Variants in SNX4 observed in about 807,000 individuals in gnomAD.
SNX4 encodes sorting nexin-4.
Under a neutral mutation model 70.8 loss-of-function variants are expected in SNX4, and 49 were observed. The ratio of observed to expected loss-of-function variants is 0.69; its 90% CI spans 0.55 to 0.88. The LOEUF is 0.88. Among genes scored for constraint, SNX4 ranks in the 40% least tolerant of loss-of-function variants. The probability of loss-of-function intolerance (pLI) is 0.00; values close to 1 mark genes in which losing one functional copy is unlikely to be tolerated. For missense variants in SNX4, 528 were observed against 544.8 expected (o/e 0.97, Z 0.31); for synonymous variants, 206 against 183.8 (o/e 1.12, Z -0.98).
At chr3:125,460,549 T>C (rs1933852477) in intron 10 of SNX4, among the ~76,000 whole-genome samples, 1 of 152,234 alleles carries the variant, frequency 6.6e-6, no homozygotes, top group African/African-American at 2.4e-5. Flanking sequence ...ACTTGATGCC[T>C]GAGGCTGGCA....
intron 8 of SNX4, among the ~76,000 whole-genome samples, chr3:125,470,177 A>G (rs1934129495): frequency 6.6e-6 from 1 of 152,194 alleles, no homozygotes; most frequent in African/African-American, 2.4e-5. Context: ...AGATAACATA[A>G]TTTGATACAC....
chr3:125,486,150 T>A (rs890708822), intron 6 of SNX4, among the ~76,000 whole-genome samples: 3 of 152,180 alleles, frequency 2.0e-5, no homozygotes, highest in African/African-American at 7.2e-5. Context: ...CTGTAAGCAT[T>A]CTTAATACGA....
intron 6 of SNX4, among the ~76,000 whole-genome samples, chr3:125,482,250 A>AT (rs1336067496): frequency 1.3e-5 from 2 of 152,200 alleles, no homozygotes; most frequent in Non-Finnish European, 2.9e-5. Flanking sequence ...CTATAAAACC[A>AT]ACTGATTTAG....
chr3:125,458,980 C>A (rs868245789), intron 10 of SNX4, among the ~76,000 whole-genome samples: 10 of 151,832 alleles, frequency 6.6e-5, no homozygotes, highest in Non-Finnish European at 8.8e-5. Context: ...TCAAGACCAG[C>A]CTGACCAACA....
chr3:125,447,791 A>G lies in SNX4; in HGVS notation c.1341T>C (p.Phe447=), dbSNP rs377372969. The G allele has an allele frequency of 6.3e-7, 1 of 1,593,496 alleles. No homozygotes were observed. The highest frequency in any genetic ancestry group is 8.5e-7 in the Non-Finnish European group (1 of 1,171,786). Residue 447 remains phenylalanine (F), a synonymous_variant, in exon 14 of 14, where the codon TTT becomes TTC. Coordinates refer to ENST00000251775, the MANE Select transcript of SNX4 (RefSeq NM_003794.4). ...TCAATTCACAGGATTACATCTTGCT[A>G]AAGCATTCCTTAGCATTGGTCCAAA... The part of the protein sequence containing the change: ...IQVWTNAKEC[F]SKM
At chr3:125,469,671 T>C (rs925644725) in intron 8 of SNX4, 152 bp from the exon 9 acceptor site, 2 of 596,218 alleles carry the variant, frequency 3.4e-6, no homozygotes, top group Non-Finnish European at 5.9e-6. Flanking sequence ...AATATGCTGT[T>C]TTCCCCTTAA....
intron 5 of SNX4, among the ~76,000 whole-genome samples, chr3:125,490,902 C>T (rs1353862376): frequency 6.6e-6 from 1 of 151,990 alleles, no homozygotes; most frequent in East Asian, 1.9e-4. Flanking sequence ...TTTTTAAAAT[C>T]CCACCTTGAA....
chr3:125,485,205 C>G lies in SNX4; in HGVS notation c.653+4203G>C, dbSNP rs575994502. Among the ~76,000 whole-genome samples, 24 of 152,236 alleles carry G rather than the reference C, an allele frequency of 1.6e-4. No individual in the cohort carries two copies. The South Asian group carries it at 4.8e-3, about 30-fold the overall frequency. ...AGGCTGCAGTGAGCTGAGATCACAC[C>G]ACTGCACCCCAGCCTGGGTAACAGA... On this transcript the variant is annotated intron_variant, in intron 6 of 13. Transcript: ENST00000251775.
chr3:125,476,798 T>G, intron 7 of SNX4, 42 bp from the exon 8 acceptor site: 1 of 1,190,622 alleles, frequency 8.4e-7, no homozygotes, highest in East Asian at 2.4e-5. Context: ...AGGTCAAAGT[T>G]ATATCCTCAT....
intron 10 of SNX4, among the ~76,000 whole-genome samples, chr3:125,460,378 A>G (rs2107529905): frequency 6.6e-6 from 1 of 152,328 alleles, no homozygotes; most frequent in Admixed American, 6.5e-5. Flanking sequence ...ACAGATAAGA[A>G]AGTCCTTGTT....
intron 8 of SNX4, among the ~76,000 whole-genome samples, chr3:125,474,526 G>A (rs373035471): frequency 6.6e-6 from 1 of 152,028 alleles, no homozygotes; most frequent in African/African-American, 2.4e-5. Context: ...ATGTTGCCAA[G>A]GCTTGTCTTG....
At position 125,520,162 on chromosome 3, in the gene SNX4, G is replaced by T. The variant is rs1017738081; in HGVS notation, c.11C>A (p.Ala4Glu). Residue 4 changes from alanine to glutamate, a missense_variant, in exon 1 of 14, where the codon GCA (alanine) becomes GAA (glutamate). This residue lies in a region of SNX4 where 341 missense variants were observed against 312.2 expected (regional missense o/e 1.09). Transcript: ENST00000251775. ...GAGCTGCCGCTCGGGGTCCGGAGGT[G>T]CCTGCTCCATGGCTGCAGTTCGGCG... MEQ[A>E]PPDPERQLQP... is the part of the protein sequence containing the mutation. 1.4e-6 allele frequency: 2 copies of T among 1,407,570 alleles called. No homozygotes were observed. Among genetic ancestry groups the T allele is most frequent in the Non-Finnish European group, 1.8e-6 (2 of 1,086,704 alleles). 87.2% of individuals were successfully genotyped at this position (1,407,570 alleles called of 1,614,324 possible).
chr3:125,449,537 A>C (rs1436468111), intron 13 of SNX4, among the ~76,000 whole-genome samples: 4 of 152,198 alleles, frequency 2.6e-5, no homozygotes, highest in Non-Finnish European at 2.9e-5. Context: ...CTAGGATCAC[A>C]TATAAAAATC....
chr3:125,481,927 C>T (rs1490195912), intron 6 of SNX4, among the ~76,000 whole-genome samples: 1 of 151,750 alleles, frequency 6.6e-6, no homozygotes, highest in African/African-American at 2.4e-5. Context: ...ACTGTGTCAC[C>T]CAGGTTGGAA....
At chr3:125,513,177 T>G (rs1935204836) in intron 1 of SNX4, among the ~76,000 whole-genome samples, 1 of 152,136 alleles carries the variant, frequency 6.6e-6, no homozygotes, top group African/African-American at 2.4e-5. Flanking sequence ...TAAGTGGGGT[T>G]AGTGCCCTGA....
At position 125,451,917 on chromosome 3, in the gene SNX4, C is replaced by T. The variant is rs941310128; in HGVS notation, c.1191-498G>A. 5.9e-5 allele frequency among the ~76,000 whole-genome samples: 9 copies of T among 152,144 alleles called. 1 individual carries two copies. Among genetic ancestry groups the T allele is most frequent in the African/African-American group, 1.7e-4 (7 of 41,436 alleles). On this transcript the variant is annotated intron_variant, in intron 12 of 13. Coordinates refer to ENST00000251775, the MANE Select transcript of SNX4 (RefSeq NM_003794.4). ...GCTGGGATTACAGCGTGAGCCGCTG[C>T]ACCTGGCCTAATAATCTAAGTTTTT... is the stretch of plus-strand genomic sequence containing the variant.
At chr3:125,475,152 T>C (rs1934262141) in intron 8 of SNX4, among the ~76,000 whole-genome samples, 1 of 152,222 alleles carries the variant, frequency 6.6e-6, no homozygotes. Context: ...CATATAACCT[T>C]GATCTGTCTC....
intron 13 of SNX4, among the ~76,000 whole-genome samples, chr3:125,448,524 A>C (rs1933487495): frequency 6.6e-6 from 1 of 152,064 alleles, no homozygotes. Flanking sequence ...TAATAACTAA[A>C]GTTTTGATAA....
chr3:125,483,214 C>T (rs1157008617), intron 6 of SNX4, among the ~76,000 whole-genome samples: 2 of 151,390 alleles, frequency 1.3e-5, no homozygotes, highest in East Asian at 1.9e-4. Context: ...GCTTTCTTTA[C>T]GTAGAGCCAG....
Sources: allele counts gnomAD v4.1 joint callset (sites outside exome capture counted in the v4.1 genomes callset), GRCh38; gene constraint gnomAD v4.1.1; regional missense constraint gnomAD v4.1.1; transcripts MANE v1.5; gene names NCBI Gene and HGNC (gene_info 2026-07-23, HGNC 2026-07-21).